The following HTR1F variants were observed in gnomAD, a reference collection of about 807,000 sequenced individuals.
The protein encoded by HTR1F is 5-hydroxytryptamine (serotonin) receptor 1F, G protein-coupled.
A neutral mutation model predicts 24.0 loss-of-function variants in HTR1F; 17 were observed. The ratio of observed to expected loss-of-function variants is 0.71; its 90% CI spans 0.48 to 1.06. The LOEUF is 1.06. Among genes scored for constraint, HTR1F ranks in the 50% least tolerant of loss-of-function variants. The probability of loss-of-function intolerance (pLI) is 0.00; values close to 1 mark genes in which losing one functional copy is unlikely to be tolerated. For missense variants in HTR1F, 391 were observed against 427.8 expected, an observed-to-expected ratio of 0.91 and a Z score of 0.76; for synonymous variants, 186 against 156.8, an observed-to-expected ratio of 1.19 and a Z score of -1.39.
chr3:87,838,016 T>C (rs1043326470), intron 2 of HTR1F, among the ~76,000 whole-genome samples: 5 of 152,138 alleles, frequency 3.3e-5, no homozygotes, highest in African/African-American at 1.2e-4. Context: ...ATAACTGAGA[T>C]TATGGAACAA....
At chr3:87,821,099 A>G (rs551784193) in intron 1 of HTR1F, among the ~76,000 whole-genome samples, 1 of 152,318 alleles carries the variant, frequency 6.6e-6, no homozygotes, top group African/African-American at 2.4e-5. Context: ...TTTTACTTCT[A>G]CCTAAAAATA....
intron 2 of HTR1F, among the ~76,000 whole-genome samples, chr3:87,914,576 C>A (rs935817118): frequency 6.6e-6 from 1 of 151,978 alleles, no homozygotes; most frequent in East Asian, 1.9e-4. Context: ...CCAGCTTTCC[C>A]CCCACTTCCC....
At chr3:87,926,169 G>A (rs1402725661) in intron 2 of HTR1F, among the ~76,000 whole-genome samples, 2 of 152,148 alleles carry the variant, frequency 1.3e-5, no homozygotes, top group East Asian at 3.9e-4. Context: ...AAGTATGTCA[G>A]TGGATAAAGC....
chr3:87,797,337 C>A (rs1476487038), intron 1 of HTR1F, among the ~76,000 whole-genome samples: 1 of 152,146 alleles, frequency 6.6e-6, no homozygotes, highest in Non-Finnish European at 1.5e-5. Flanking sequence ...GGAATACTAT[C>A]TGGGTGTTAA....
At chr3:87,806,830 G>A (rs1602152) in intron 1 of HTR1F, among the ~76,000 whole-genome samples, 64,804 of 151,742 alleles carry the variant, frequency 0.43, 16,555 homozygotes, top group African/African-American at 0.73. Flanking sequence ...ATGGTGAGAG[G>A]TATGAATTTA....
chr3:87,887,691 C>T (rs931956351), intron 2 of HTR1F, among the ~76,000 whole-genome samples: 2 of 152,226 alleles, frequency 1.3e-5, no homozygotes, highest in Non-Finnish European at 1.5e-5. Flanking sequence ...CCAAAGAAGA[C>T]ATTTATGCAG....
At chr3:87,967,656 T>G (rs1226846455) in intron 2 of HTR1F, among the ~76,000 whole-genome samples, 11 of 151,988 alleles carry the variant, frequency 7.2e-5, no homozygotes, top group Non-Finnish European at 5.9e-5. Context: ...GATCTGATGG[T>G]TTTATAAAGG....
At chr3:87,855,666 C>CCATA (rs1472433998) in intron 2 of HTR1F, among the ~76,000 whole-genome samples, 1 of 151,902 alleles carries the variant, frequency 6.6e-6, no homozygotes, top group Admixed American at 6.6e-5. Context: ...TGTGAATTAC[C>CCATA]CATAACCTAA....
chr3:87,834,191 A>C (rs1459853881), intron 2 of HTR1F, among the ~76,000 whole-genome samples: 1 of 152,198 alleles, frequency 6.6e-6, no homozygotes, highest in East Asian at 1.9e-4. Flanking sequence ...TATACTATAC[A>C]TGCAATGTGA....
intron 2 of HTR1F, among the ~76,000 whole-genome samples, chr3:87,837,196 A>C (rs1704700260): frequency 6.6e-6 from 1 of 152,148 alleles, no homozygotes; most frequent in African/African-American, 2.4e-5. Flanking sequence ...CAGTTAATAA[A>C]GAAGAAAAGG....
intron 2 of HTR1F, among the ~76,000 whole-genome samples, chr3:87,928,820 AAAAG>A (rs1197644957): frequency 6.6e-6 from 1 of 152,214 alleles, no homozygotes; most frequent in East Asian, 1.9e-4. Context: ...TAAAGAGAGA[AAAAG>A]AAATATACAT....
At chr3:87,979,452 G>C (rs534361719) in intron 2 of HTR1F, among the ~76,000 whole-genome samples, 3 of 152,168 alleles carry the variant, frequency 2.0e-5, no homozygotes, top group African/African-American at 7.2e-5. Flanking sequence ...CAGAGACCCA[G>C]TATTTTCCTT....
intron 2 of HTR1F, among the ~76,000 whole-genome samples, chr3:87,978,715 G>A (rs1705453977): frequency 6.6e-6 from 1 of 151,484 alleles, no homozygotes; most frequent in Admixed American, 6.6e-5. Flanking sequence ...GATTTTTATA[G>A]GCTTCAGAAG....
intron 1 of HTR1F, among the ~76,000 whole-genome samples, chr3:87,798,108 C>T (rs546706856): frequency 6.6e-6 from 1 of 152,280 alleles, no homozygotes; most frequent in East Asian, 1.9e-4. Context: ...GTCTTAATGT[C>T]ATTCGGATCA....
intron 2 of HTR1F, among the ~76,000 whole-genome samples, chr3:87,841,923 GAAAA>G (rs370439117): frequency 2.6e-5 from 3 of 114,986 alleles, no homozygotes; most frequent in Non-Finnish European, 5.4e-5. Flanking sequence ...AAAAGAAAAA[GAAAA>G]AAAAAAAAAA....
In HTR1F at chr3:87,802,597, C is replaced by G. The variant is rs1465890795; in HGVS notation, c.-160+9755C>G. 5.9e-5 allele frequency among the ~76,000 whole-genome samples: 9 copies of G among 152,148 alleles called. No homozygotes were observed. The East Asian group carries it at 1.8e-3, about 30-fold the overall frequency. On this transcript the variant is annotated intron_variant, in intron 1 of 2. Coordinates refer to ENST00000319595, the MANE Select transcript of HTR1F (RefSeq NM_001322209.2). ...CTGGCTTCTAGCAGTCCTCCTGCCTCAGCACCCCCTCAAACTGCTGGGATT... is the reference window on the plus strand; with the variant it reads ...CTGGCTTCTAGCAGTCCTCCTGCCTGAGCACCCCCTCAAACTGCTGGGATT...
intron 2 of HTR1F, among the ~76,000 whole-genome samples, chr3:87,953,324 A>T (rs1197523395): frequency 6.7e-6 from 1 of 149,504 alleles, no homozygotes; most frequent in African/African-American, 2.5e-5. Context: ...GATTAATACC[A>T]GAAAATATAA....
intron 2 of HTR1F, among the ~76,000 whole-genome samples, chr3:87,844,849 C>T (rs546765513): frequency 7.5e-4 from 113 of 150,648 alleles, no homozygotes; most frequent in African/African-American, 2.6e-3. Context: ...AGATATGCGG[C>T]GTTATTTCTG....
At chr3:87,950,385 T>C (rs571918162) in intron 2 of HTR1F, among the ~76,000 whole-genome samples, 2 of 152,334 alleles carry the variant, frequency 1.3e-5, no homozygotes, top group South Asian at 2.1e-4. Flanking sequence ...GTCTAATCCA[T>C]TGAAAACTTA....
Sources: gnomAD v4.1 joint callset for allele counts (sites outside exome capture counted in the v4.1 genomes callset) on GRCh38, gnomAD v4.1.1 for gene constraint, MANE v1.5 for transcripts, NCBI Gene and HGNC (gene_info 2026-07-23, HGNC 2026-07-21) for gene names.